The following PTPRE variants were observed in gnomAD, a reference collection of about 807,000 sequenced individuals.
PTPRE encodes receptor-type tyrosine-protein phosphatase epsilon.
Under a neutral mutation model 102.0 loss-of-function variants are expected in PTPRE, and 51 were observed. The observed-to-expected ratio is 0.50, with a 90% confidence interval of 0.40 to 0.63. The LOEUF is 0.63. Ranked by LOEUF, PTPRE falls within the 30% of genes least tolerant of loss-of-function variation. The pLI is 0.00. For missense variants in PTPRE, 752 were observed against 915.1 expected (o/e 0.82, Z 2.30); for synonymous variants, 345 against 348.2 (o/e 0.99, Z 0.10).
intron 6 of PTPRE, among the ~76,000 whole-genome samples, chr10:128,052,326 A>G (rs1360221453): frequency 2.0e-5 from 3 of 152,228 alleles, no homozygotes; most frequent in Admixed American, 6.5e-5. Flanking sequence ...ACATGTGTGC[A>G]TTGCCAATTC....
intron 1 of PTPRE, among the ~76,000 whole-genome samples, chr10:127,971,784 T>A (rs1202893967): frequency 1.3e-5 from 2 of 152,186 alleles, no homozygotes; most frequent in African/African-American, 4.8e-5. Context: ...CGGCCAGCCA[T>A]GTGGGTGGCT....
At chr10:128,049,508 C>T in intron 5 of PTPRE, 22 bp from the exon 6 acceptor site, 1 of 1,612,602 alleles carries the variant, frequency 6.2e-7, no homozygotes, top group South Asian at 1.1e-5. Context: ...AAATGGCCCC[C>T]ATGTTTCTTT....
intron 2 of PTPRE, among the ~76,000 whole-genome samples, chr10:127,994,736 A>G (rs1390965716): frequency 6.6e-6 from 1 of 152,152 alleles, no homozygotes; most frequent in Admixed American, 6.5e-5. Context: ...TTTTGTGGCC[A>G]TGCAGCCCGA....
At chr10:128,018,625 C>A (rs1198235524) in intron 2 of PTPRE, among the ~76,000 whole-genome samples, 1 of 152,174 alleles carries the variant, frequency 6.6e-6, no homozygotes, top group Middle Eastern at 3.2e-3. Flanking sequence ...GGAGAGGCCG[C>A]CTCCCCACAG....
chr10:127,994,450 G>A (rs759000970), intron 2 of PTPRE, among the ~76,000 whole-genome samples: 14 of 152,160 alleles, frequency 9.2e-5, no homozygotes, highest in African/African-American at 1.4e-4. Context: ...TTTCTCACCC[G>A]CAAGAACGCA....
At chr10:127,976,759 C>A (rs1042925891) in intron 1 of PTPRE, among the ~76,000 whole-genome samples, 1 of 152,190 alleles carries the variant, frequency 6.6e-6, no homozygotes, top group Non-Finnish European at 1.5e-5. Context: ...CTCCTTCTGT[C>A]CTGTCTTTCA....
At chr10:128,032,994 G>T (rs1305104625) in intron 2 of PTPRE, among the ~76,000 whole-genome samples, 9 of 105,058 alleles carry the variant, frequency 8.6e-5, no homozygotes, top group African/African-American at 3.0e-4. Flanking sequence ...GATAATGTTG[G>T]TATAATTTGT....
rs113608040 is a variant in PTPRE at position 128,067,866 on chromosome 10, T to C, written c.844-257T>C. Among the ~76,000 whole-genome samples the C allele has an allele frequency of 7.1e-3, 1,088 of 152,302 alleles. 13 individuals carry two copies. The highest frequency in any genetic ancestry group is 0.024 in the African/African-American group (998 of 41,568). On this transcript the variant is annotated intron_variant, in intron 11 of 20. Transcript: ENST00000254667. ...CACAGACCAACTTTGGGGATGTGTC[T>C]GGCTGCTTGGGCCCTGCCTGACCTG...
rs1487349654 is a variant in PTPRE, at chr10:128,085,138, C to T, written c.*2232C>T. 4 of 456,058 alleles carry T rather than the reference C, an allele frequency of 8.8e-6. No homozygotes were observed. Among genetic ancestry groups the T allele is most frequent in the Admixed American group, 4.7e-5 (2 of 42,558 alleles). The allele number at this position is 456,058 out of a possible 1,614,324, so 28.3% of individuals were successfully genotyped here. On this transcript the variant is annotated 3_prime_UTR_variant, in exon 21 of 21. Coordinates refer to ENST00000254667, the MANE Select transcript of PTPRE (RefSeq NM_006504.6). ...CCCCTCCACTGTCCGGGACAGCGTT[C>T]GCCCTTTAGCGGGGAGGTCATTACA...
In PTPRE at chr10:128,083,122, A is replaced by G. The variant is rs965975046; in HGVS notation, c.*216A>G. On this transcript the variant is annotated 3_prime_UTR_variant, in exon 21 of 21. Coordinates refer to ENST00000254667, the MANE Select transcript of PTPRE (RefSeq NM_006504.6). Reference sequence around the variant, plus strand: ...AAGGTCAAATAATATCCCATAAAATATATATTTCTGCTAATATTAGTAAAT... The same window carrying G: ...AAGGTCAAATAATATCCCATAAAATGTATATTTCTGCTAATATTAGTAAAT... 9.1e-6 allele frequency: 3 copies of G among 329,404 alleles called. No individual in the cohort carries two copies. The highest frequency in any genetic ancestry group is 1.6e-5 in the Non-Finnish European group (3 of 185,914). 20.4% of individuals were successfully genotyped at this position (329,404 alleles called of 1,614,324 possible).
intron 2 of PTPRE, among the ~76,000 whole-genome samples, chr10:128,039,557 ATGGTTTCATCTTAATAG>A (rs1258053252): frequency 6.6e-6 from 1 of 152,216 alleles, no homozygotes; most frequent in African/African-American, 2.4e-5. Flanking sequence ...TATCCTCATA[ATGGTTTCATCTTAATAG>A]TGGTGATTAC....
intron 2 of PTPRE, among the ~76,000 whole-genome samples, chr10:127,995,039 C>T (rs1185418355): frequency 1.3e-5 from 2 of 152,154 alleles, no homozygotes; most frequent in Non-Finnish European, 2.9e-5. Context: ...GGTCAATAAA[C>T]CTGTAGGTGT....
chr10:128,006,418 C>T (rs990545805), intron 2 of PTPRE, among the ~76,000 whole-genome samples: 1 of 152,206 alleles, frequency 6.6e-6, no homozygotes, highest in East Asian at 1.9e-4. Flanking sequence ...AGGTACTTAA[C>T]GTTGACTTGA....
intron 1 of PTPRE, among the ~76,000 whole-genome samples, chr10:127,973,558 T>C (rs909437101): frequency 2.0e-5 from 3 of 152,160 alleles, no homozygotes; most frequent in African/African-American, 7.2e-5. Context: ...GGCTAGTCGA[T>C]TGGCAGATTT....
chr10:127,971,204 G>A (rs1850701701), intron 1 of PTPRE, among the ~76,000 whole-genome samples: 2 of 152,172 alleles, frequency 1.3e-5, no homozygotes, highest in African/African-American at 2.4e-5. Context: ...TGACACTCAC[G>A]CTGGGGCTGG....
At chr10:128,021,655 C>T (rs1845896621) in intron 2 of PTPRE, among the ~76,000 whole-genome samples, 1 of 152,184 alleles carries the variant, frequency 6.6e-6, no homozygotes, top group Non-Finnish European at 1.5e-5. Context: ...ATGAAATTTC[C>T]CACCTCCTGT....
At position 128,076,597 on chromosome 10, in the gene PTPRE, C is replaced by G. The variant is rs1052801171; in HGVS notation, c.1600-6C>G. 2 of 1,573,584 alleles carry G rather than the reference C, an allele frequency of 1.3e-6. No individual in the cohort carries two copies. Among genetic ancestry groups the G allele is most frequent in the Non-Finnish European group, 1.7e-6 (2 of 1,168,532 alleles). ...CAAGACTTAAATTTTTATTTTATCC[C>G]CTAAGGATAAATGCTACCAGTATTG... On this transcript the variant is annotated splice_polypyrimidine_tract_variant and splice_region_variant and intron_variant, in intron 17 of 20. Transcript: ENST00000254667.
At chr10:128,036,621 A>G (rs1847243171) in intron 2 of PTPRE, among the ~76,000 whole-genome samples, 2 of 151,310 alleles carry the variant, frequency 1.3e-5, no homozygotes, top group Non-Finnish European at 2.9e-5. Context: ...CTCCCACCCC[A>G]GCTCCCAAGA....
At chr10:128,030,463 G>A (rs577756337) in intron 2 of PTPRE, among the ~76,000 whole-genome samples, 1 of 152,332 alleles carries the variant, frequency 6.6e-6, no homozygotes, top group Admixed American at 6.5e-5. Context: ...CGTCGAACCA[G>A]CTGGGTCTTC....
Sources: gnomAD v4.1 joint callset for allele counts (sites outside exome capture counted in the v4.1 genomes callset) on GRCh38, gnomAD v4.1.1 for gene constraint, MANE v1.5 for transcripts, NCBI Gene and HGNC (gene_info 2026-07-23, HGNC 2026-07-21) for gene names.